PCED1B: variants seen among roughly 807,000 people sequenced by gnomAD.
PCED1B encodes PC-esterase domain-containing protein 1B.
For synonymous variants in PCED1B, 251 were observed against 246.1 expected, an observed-to-expected ratio of 1.02 and a Z score of -0.19; for missense variants, 573 against 573.9, an observed-to-expected ratio of 1.00 and a Z score of 0.02.
At chr12:47,231,238 A>G (rs1220553066) in intron 3 of PCED1B, among the ~76,000 whole-genome samples, 2 of 152,184 alleles carry the variant, frequency 1.3e-5, no homozygotes, top group Non-Finnish European at 2.9e-5. Context: ...TTACATGTAC[A>G]TGGGGACCCT....
At chr12:47,090,006 C>T (rs1003551349) in intron 1 of PCED1B, among the ~76,000 whole-genome samples, 5 of 152,188 alleles carry the variant, frequency 3.3e-5, no homozygotes, top group African/African-American at 1.2e-4. Flanking sequence ...CCCCTGACCT[C>T]AAGTGATCCA....
chr12:47,103,538 A>G (rs1198890684), intron 1 of PCED1B, among the ~76,000 whole-genome samples: 1 of 152,242 alleles, frequency 6.6e-6, no homozygotes, highest in Non-Finnish European at 1.5e-5. Flanking sequence ...TTTACATGCC[A>G]TGTAGCAGAA....
At chr12:47,135,422 G>C in intron 2 of PCED1B, 1 of 258,006 alleles carries the variant, frequency 3.9e-6, no homozygotes, top group Non-Finnish European at 7.9e-6. Flanking sequence ...GCAAGGAATG[G>C]AAGGCGGAGT....
intron 3 of PCED1B, among the ~76,000 whole-genome samples, chr12:47,217,367 C>A (rs1943291509): frequency 6.8e-6 from 1 of 147,656 alleles, no homozygotes; most frequent in Admixed American, 6.9e-5. Flanking sequence ...CCACTGAATT[C>A]CAACTTGGGC....
intron 2 of PCED1B, among the ~76,000 whole-genome samples, chr12:47,197,658 C>CA (rs1003688301): frequency 6.6e-6 from 1 of 150,470 alleles, no homozygotes; most frequent in Non-Finnish European, 1.5e-5. Flanking sequence ...CAATGATATA[C>CA]AAAAAAAGGG....
chr12:47,088,644 C>T (rs958762362), intron 1 of PCED1B, among the ~76,000 whole-genome samples: 2 of 152,140 alleles, frequency 1.3e-5, no homozygotes, highest in East Asian at 1.9e-4. Context: ...CTGCTACTTG[C>T]CTCTTGCATT....
chr12:47,124,510 GTTT>G lies in PCED1B; in HGVS notation c.-526+20326_-526+20328del, dbSNP rs35428796. On this transcript the variant is annotated intron_variant, in intron 2 of 3. Transcript: ENST00000546455. ...CTGTAAGTCTTTGTATATACATGAG[GTTT>G]TTTTTTTTTTGTATACAATTGAGTT... Among the ~76,000 whole-genome samples the G allele has an allele frequency of 1.3e-4, 18 of 143,904 alleles. 1 individual carries two copies. Among genetic ancestry groups the G allele is most frequent in the African/African-American group, 3.7e-4 (15 of 40,046 alleles). The allele number at this position is 143,904 out of a possible 152,430, so 94.4% of individuals were successfully genotyped here.
intron 2 of PCED1B, among the ~76,000 whole-genome samples, chr12:47,114,967 A>T (rs573946328): frequency 6.6e-6 from 1 of 152,340 alleles, no homozygotes; most frequent in African/African-American, 2.4e-5. Flanking sequence ...ACTTGTTTGA[A>T]TTACTCCAAA....
chr12:47,184,528 A>G (rs1347848726), intron 2 of PCED1B, among the ~76,000 whole-genome samples: 1 of 152,180 alleles, frequency 6.6e-6, no homozygotes, highest in Non-Finnish European at 1.5e-5. Context: ...CATTCTTCTC[A>G]TCACAGACTT....
intron 2 of PCED1B, among the ~76,000 whole-genome samples, chr12:47,131,271 A>C (rs1261430348): frequency 6.6e-6 from 1 of 152,182 alleles, no homozygotes; most frequent in Non-Finnish European, 1.5e-5. Flanking sequence ...AAGGAAAGAT[A>C]CTTCACCCGC....
At chr12:47,194,451 G>A (rs1385238577) in intron 2 of PCED1B, among the ~76,000 whole-genome samples, 1 of 152,204 alleles carries the variant, frequency 6.6e-6, no homozygotes, top group East Asian at 1.9e-4. Context: ...GGGATTACAG[G>A]CGTGAGCCAC....
At chr12:47,197,717 A>G (rs2137690436) in intron 2 of PCED1B, among the ~76,000 whole-genome samples, 1 of 152,196 alleles carries the variant, frequency 6.6e-6, no homozygotes, top group South Asian at 2.1e-4. Context: ...GGCCATTGTT[A>G]CTGACTCCAT....
intron 2 of PCED1B, among the ~76,000 whole-genome samples, chr12:47,195,951 G>T (rs796806253): frequency 1.3e-5 from 2 of 152,060 alleles, no homozygotes; most frequent in African/African-American, 4.8e-5. Flanking sequence ...AAACTGCTTA[G>T]TTTTCTGGTC....
At chr12:47,148,855 G>A (rs1333392403) in intron 2 of PCED1B, among the ~76,000 whole-genome samples, 8 of 152,300 alleles carry the variant, frequency 5.3e-5, no homozygotes, top group Middle Eastern at 3.4e-3. Flanking sequence ...TTACCAGAGG[G>A]ATCACAGCTG....
chr12:47,211,653 C>CAAAA (rs760117906), intron 2 of PCED1B, among the ~76,000 whole-genome samples: 11 of 65,612 alleles, frequency 1.7e-4, no homozygotes, highest in African/African-American at 2.3e-4. Flanking sequence ...GACTCTGTCT[C>CAAAA]AAAAAAAAAA....
chr12:47,112,513 T>G (rs1471554238), intron 2 of PCED1B, among the ~76,000 whole-genome samples: 1 of 152,222 alleles, frequency 6.6e-6, no homozygotes, highest in Non-Finnish European at 1.5e-5. Context: ...TTCCACTCAC[T>G]ATTTCCCTGG....
intron 2 of PCED1B, among the ~76,000 whole-genome samples, chr12:47,197,600 C>T (rs1423068598): frequency 6.6e-6 from 1 of 151,222 alleles, no homozygotes; most frequent in African/African-American, 2.4e-5. Context: ...AAGAGTGAAA[C>T]TCTGTCTCAA....
intron 2 of PCED1B, among the ~76,000 whole-genome samples, chr12:47,158,818 G>A (rs1941278870): frequency 6.6e-6 from 1 of 152,088 alleles, no homozygotes; most frequent in Non-Finnish European, 1.5e-5. Context: ...GCAATACATT[G>A]TTATTAACTA....
At chr12:47,212,778 G>C (rs1453702864) in intron 2 of PCED1B, among the ~76,000 whole-genome samples, 2 of 152,206 alleles carry the variant, frequency 1.3e-5, no homozygotes, top group African/African-American at 4.8e-5. Context: ...TAAGTACCAA[G>C]CAGTCTGCTT....
Sources: allele counts gnomAD v4.1 joint callset (sites outside exome capture counted in the v4.1 genomes callset), GRCh38; gene constraint gnomAD v4.1.1; transcripts MANE v1.5; gene names NCBI Gene and HGNC (gene_info 2026-07-23, HGNC 2026-07-21).